The following RAB33A variants were observed in gnomAD, a reference collection of about 807,000 sequenced individuals.
RAB33A encodes ras-related protein Rab-33A.
In RAB33A, 6 loss-of-function variants were observed where a neutral mutation model predicts 12.0. The ratio of observed to expected loss-of-function variants is 0.50; its 90% CI spans 0.27 to 0.99. The LOEUF (loss-of-function observed/expected upper bound fraction) is 0.99, where lower values mean the gene tolerates loss of function less well. Among genes scored for constraint, RAB33A ranks in the 50% least tolerant of loss-of-function variants. The pLI is 0.11. For missense variants in RAB33A, 109 were observed against 192.0 expected (o/e 0.57, Z 2.55); for synonymous variants, 70 against 82.4 (o/e 0.85, Z 0.81).
the RAB33A span, chrX:130,129,874 C>T: frequency 1.0e-5 from 11 of 1,050,995 alleles, no homozygotes; most frequent in Admixed American, 4.4e-5. Flanking sequence ...TTGACCTGGC[C>T]GGGGGACAAT....
the RAB33A span, chrX:130,147,472 A>AT: frequency 8.3e-7 from 1 of 1,211,390 alleles, no homozygotes. Context: ...TGATAGGCTC[A>AT]TTTTACATAA....
the RAB33A span, chrX:130,147,645 C>T: frequency 3.4e-5 from 41 of 1,210,278 alleles, 1 homozygote; most frequent in South Asian, 2.5e-4. Flanking sequence ...AAAATCATGA[C>T]GCTTATCAGA....
At chrX:130,176,725 G>A (rs1479803343) in intron 1 of RAB33A, among the ~76,000 whole-genome samples, 1 of 111,844 alleles carries the variant, frequency 8.9e-6, no homozygotes, top group Non-Finnish European at 1.9e-5. Flanking sequence ...GTTTCTCTTT[G>A]TCTCTGTCCT....
At chrX:130,148,920 G>T in the RAB33A span, among the ~76,000 whole-genome samples, 2 of 77,191 alleles carry the variant, frequency 2.6e-5, no homozygotes, top group Non-Finnish European at 4.7e-5. Flanking sequence ...CCTTTTAAGA[G>T]ACTTTTTTTT....
the RAB33A span, chrX:130,137,822 G>T: frequency 2.5e-6 from 2 of 813,897 alleles, no homozygotes; most frequent in African/African-American, 2.2e-5. Flanking sequence ...CAGCACTTTG[G>T]GTGGCCGAGG....
chrX:130,129,654 T>A, the RAB33A span: 3 of 1,177,673 alleles, frequency 2.5e-6, no homozygotes, highest in South Asian at 5.3e-5. Flanking sequence ...TAACAATAGG[T>A]CCCTAACTTA....
At chrX:130,169,950 C>T (rs949634746), upstream of RAB33A, among the ~76,000 whole-genome samples, 106 of 111,782 alleles carry the variant, frequency 9.5e-4, no homozygotes, top group African/African-American at 3.1e-3. Context: ...CAGAGGGGAA[C>T]GATCCAGCAA....
the RAB33A span, among the ~76,000 whole-genome samples, chrX:130,155,655 A>C: frequency 1.8e-5 from 2 of 112,059 alleles, no homozygotes; most frequent in Non-Finnish European, 3.8e-5. Context: ...TGTAGAAAAA[A>C]ACCCCTAAAC....
At chrX:130,165,952 C>G in the RAB33A span, 3 of 368,974 alleles carry the variant, frequency 8.1e-6, no homozygotes, top group Non-Finnish European at 1.5e-5. Context: ...CGCAAAGACG[C>G]TGGCTCTAGG....
the RAB33A span, among the ~76,000 whole-genome samples, chrX:130,158,203 G>A: frequency 9.0e-6 from 1 of 111,415 alleles, no homozygotes; most frequent in Non-Finnish European, 1.9e-5. Flanking sequence ...GGCGGAGGTT[G>A]CAGTGAGCCG....
the RAB33A span, among the ~76,000 whole-genome samples, chrX:130,114,698 G>A: frequency 8.9e-6 from 1 of 112,216 alleles, no homozygotes; most frequent in South Asian, 3.7e-4. Context: ...TGCAAGGAGC[G>A]GGAGGGGCCT....
the RAB33A span, chrX:130,137,891 T>G: frequency 6.6e-6 from 2 of 304,573 alleles, no homozygotes; most frequent in Non-Finnish European, 9.2e-6. Context: ...GGAGAAACCC[T>G]GTCTCTACCA....
chrX:130,129,639 G>C, the RAB33A span: 22 of 1,199,872 alleles, frequency 1.8e-5, no homozygotes, highest in East Asian at 6.2e-4. Flanking sequence ...CTGAGGGAGA[G>C]AGAGTAACAA....
chrX:130,128,802 G>C, the RAB33A span, among the ~76,000 whole-genome samples: 1 of 111,828 alleles, frequency 8.9e-6, no homozygotes, highest in Admixed American at 9.5e-5. Context: ...TCCGTCTCCA[G>C]GTTTAACTGT....
the RAB33A span, among the ~76,000 whole-genome samples, chrX:130,112,949 G>GTA: frequency 1.2e-4 from 13 of 109,586 alleles, no homozygotes; most frequent in Admixed American, 1.2e-3. Flanking sequence ...GTGTATTTAT[G>GTA]GGTTACATGA....
At chrX:130,166,941 G>A in the RAB33A span, among the ~76,000 whole-genome samples, 41 of 112,150 alleles carry the variant, frequency 3.7e-4, no homozygotes, top group Non-Finnish European at 6.2e-4. Context: ...TTTGGACATA[G>A]CATCTATATA....
the RAB33A span, among the ~76,000 whole-genome samples, chrX:130,123,828 G>C: frequency 1.8e-5 from 2 of 110,850 alleles, no homozygotes; most frequent in South Asian, 7.6e-4. Context: ...TGGGTGAAAG[G>C]AATGTCAGCA....
At chrX:130,146,714 C>T in the RAB33A span, among the ~76,000 whole-genome samples, 212 of 111,187 alleles carry the variant, frequency 1.9e-3, 1 homozygote, top group Non-Finnish European at 3.3e-3. Context: ...GGACCTGTAT[C>T]TCCAAGTCTG....
At chrX:130,138,452 G>T in the RAB33A span, 1 of 493,456 alleles carries the variant, frequency 2.0e-6, no homozygotes, top group Non-Finnish European at 3.5e-6. Context: ...GTGACAGAGC[G>T]AGACTCCATC....
Sources: allele counts gnomAD v4.1 joint callset (sites outside exome capture counted in the v4.1 genomes callset), GRCh38; gene constraint gnomAD v4.1.1; transcripts MANE v1.5; gene names NCBI Gene and HGNC (gene_info 2026-07-23, HGNC 2026-07-21).